BARD1: variants seen among roughly 807,000 people sequenced by gnomAD.
BARD1 encodes the protein BRCA1-associated RING domain protein 1.
BARD1 carries 73 observed loss-of-function variants against 77.0 expected under a neutral mutation model. The ratio of observed to expected loss-of-function variants is 0.95; its 90% CI spans 0.79 to 1.15. The LOEUF (loss-of-function observed/expected upper bound fraction) is 1.15. BARD1 is among the 50% of genes most tolerant of loss of function. BARD1 has a pLI of 0.00. For missense variants in BARD1, 993 were observed against 938.8 expected (o/e 1.06, Z -0.75); for synonymous variants, 384 against 338.0 (o/e 1.14, Z -1.49).
chr2:214,752,077 C>G (rs1023357843), intron 7 of BARD1, among the ~76,000 whole-genome samples: 1 of 152,190 alleles, frequency 6.6e-6, no homozygotes, highest in Non-Finnish European at 1.5e-5. Flanking sequence ...CAACGACACT[C>G]TACAACATCT....
chr2:214,730,165 C>T, intron 10 of BARD1: 1 of 509,764 alleles, frequency 2.0e-6, no homozygotes, highest in Non-Finnish European at 3.5e-6. Context: ...CTGAGATTTA[C>T]CTCAGATTCT....
intron 3 of BARD1, among the ~76,000 whole-genome samples, chr2:214,788,124 ATCTC>A (rs1388533432): frequency 6.6e-6 from 1 of 152,026 alleles, no homozygotes. Flanking sequence ...AAAGACGAGC[ATCTC>A]TCTCTAAAGC....
intron 9 of BARD1, among the ~76,000 whole-genome samples, chr2:214,739,161 T>C (rs1252184648): frequency 6.6e-6 from 1 of 152,034 alleles, no homozygotes; most frequent in East Asian, 1.9e-4. Flanking sequence ...AGGGTTGTTA[T>C]TATTCTGGAA....
chr2:214,776,416 A>T (rs1361389830), intron 4 of BARD1, among the ~76,000 whole-genome samples: 1 of 152,238 alleles, frequency 6.6e-6, no homozygotes, highest in Non-Finnish European at 1.5e-5. Flanking sequence ...CTTACGCACA[A>T]AGCTTTCTCA....
intron 1 of BARD1, among the ~76,000 whole-genome samples, chr2:214,807,747 A>G (rs1381697150): frequency 1.3e-5 from 2 of 152,224 alleles, no homozygotes; most frequent in East Asian, 1.9e-4. Flanking sequence ...TGAGAGATGA[A>G]TAACTTGGCC....
chr2:214,734,337 T>C (rs973504892), intron 9 of BARD1, among the ~76,000 whole-genome samples: 14 of 152,080 alleles, frequency 9.2e-5, no homozygotes, highest in African/African-American at 2.9e-4. Context: ...AAAGAAAAAG[T>C]AGAACATCAT....
chr2:214,729,122 T>C lies in BARD1; in HGVS notation c.2002-114A>G, dbSNP rs147982569. ...GTTGAATATCCCTTACCTGAAACAT[T>C]TGGAGGAGAAGCATTTCAGATTCAT... On this transcript the variant is annotated intron_variant, in intron 10 of 10. Transcript: ENST00000260947. 6.3e-4 allele frequency: 802 copies of C among 1,276,400 alleles called. 5 individuals carry two copies. In the African/African-American group the frequency reaches 0.01, roughly 16 times the overall value. 79.1% of individuals were successfully genotyped at this position (1,276,400 alleles called of 1,614,324 possible). A position where few individuals can be genotyped will look rare whatever the true frequency, so the allele number is the denominator to read the frequency against.
chr2:214,767,479 T>C lies in BARD1; in HGVS notation c.1568+3A>G, dbSNP rs1280734884. ...AAAATAATTTTTACGTTGAACTACT[T>C]ACACAGCATTTCTGGAGGCTCCATA... is the stretch of plus-strand genomic sequence containing the variant. On this transcript the variant is annotated splice_donor_region_variant and intron_variant, in intron 6 of 10. Coordinates refer to ENST00000260947, the MANE Select transcript of BARD1 (RefSeq NM_000465.4). The C allele has an allele frequency of 6.2e-7, 1 of 1,612,608 alleles. No homozygotes were observed. The highest frequency in any genetic ancestry group is 1.3e-5 in the African/African-American group (1 of 74,890).
rs191038460 is a variant in BARD1, at chr2:214,766,017, T to C, written c.1568+1465A>G. Among the ~76,000 whole-genome samples the C allele has an allele frequency of 1.5e-3, 228 of 152,340 alleles. 1 individual carries two copies. The highest frequency in any genetic ancestry group is 5.2e-3 in the African/African-American group (218 of 41,582). Reference sequence around the variant, plus strand: ...TACCATTGAAAACTTAATTTTTTTGTGCCCTTTTCAAACCTATAGAAGCAA... The same window carrying C: ...TACCATTGAAAACTTAATTTTTTTGCGCCCTTTTCAAACCTATAGAAGCAA... On this transcript the variant is annotated intron_variant, in intron 6 of 10. Coordinates refer to ENST00000260947, the MANE Select transcript of BARD1 (RefSeq NM_000465.4).
chr2:214,789,386 A>G (rs1401640563), intron 3 of BARD1, among the ~76,000 whole-genome samples: 1 of 151,742 alleles, frequency 6.6e-6, no homozygotes, highest in Non-Finnish European at 1.5e-5. Flanking sequence ...AAAAAAAAAA[A>G]AAATTAATTG....
In BARD1 at chr2:214,781,007, T is replaced by C. The variant is rs1574818859; in HGVS notation, c.867A>G (p.Pro289=). 1 of 1,613,052 alleles carries C rather than the reference T, an allele frequency of 6.2e-7. No individual in the cohort carries two copies. The highest frequency in any genetic ancestry group is 8.5e-7 in the Non-Finnish European group (1 of 1,179,478). ...CTACTTCATTCCTGCTCTTAGTGTC[T>C]GGAGACTCTATTTGCTCAGCCAATG... The part of the protein sequence containing the change: ...SLPLAEQIES[P]DTKSRNEVVT... The change falls in exon 4 of 11, where the codon CCA becomes CCG. Residue 289 remains proline (P), a synonymous_variant. Coordinates refer to ENST00000260947, the MANE Select transcript of BARD1 (RefSeq NM_000465.4).
Position 214,774,786 on chromosome 2 carries a change from C to T in BARD1, c.1315-5474G>A, listed in dbSNP as rs73084564. 8.4e-3 allele frequency among the ~76,000 whole-genome samples: 1,280 copies of T among 152,316 alleles called. 18 individuals carry two copies. Among genetic ancestry groups the T allele is most frequent in the African/African-American group, 0.029 (1,192 of 41,566 alleles). On this transcript the variant is annotated intron_variant, in intron 4 of 10. Transcript: ENST00000260947. ...TCACTGAAATCTGTTGTTTAGTGTG[C>T]CACTCTCATAATTATCTTGGCTAGA... is the stretch of plus-strand genomic sequence containing the variant.
chr2:214,751,143 A>AT (rs1693420506), intron 7 of BARD1, among the ~76,000 whole-genome samples: 1 of 21,028 alleles, frequency 4.8e-5, no homozygotes, highest in Non-Finnish European at 1.1e-4. Context: ...ATATATATAT[A>AT]TATATATATT....
chr2:214,761,165 A>G (rs1333664663), intron 6 of BARD1, among the ~76,000 whole-genome samples: 1 of 152,088 alleles, frequency 6.6e-6, no homozygotes, highest in Non-Finnish European at 1.5e-5. Flanking sequence ...AAAACTAGAG[A>G]GATCTCCAAA....
chr2:214,735,747 A>G (rs1012438486), intron 9 of BARD1, among the ~76,000 whole-genome samples: 1 of 152,134 alleles, frequency 6.6e-6, no homozygotes, highest in African/African-American at 2.4e-5. Context: ...CAAATGCTTA[A>G]AAGCTGCTTA....
chr2:214,781,280 A>T lies in BARD1; in HGVS notation c.594T>A (p.Ala198=). 6.2e-7 allele frequency: 1 copy of T among 1,600,028 alleles called. No individual in the cohort carries two copies. The highest frequency in any genetic ancestry group is 8.5e-7 in the Non-Finnish European group (1 of 1,176,492). Residue 198 remains alanine (A), a synonymous_variant, in exon 4 of 11, where the codon GCT becomes GCA. Coordinates refer to ENST00000260947, the MANE Select transcript of BARD1 (RefSeq NM_000465.4). ...PADVSERAKK[A]SARSGKKQKK... The stretch of plus-strand genomic sequence containing the variant: ...TTTGCTTTTTTCCAGATCTTGCAGA[A>T]GCCTTTTTAGCCCTCTCAGAAACAT...
At chr2:214,808,301 T>C (rs951561311) in intron 1 of BARD1, among the ~76,000 whole-genome samples, 1 of 152,060 alleles carries the variant, frequency 6.6e-6, no homozygotes, top group East Asian at 1.9e-4. Flanking sequence ...CCCAGCTACT[T>C]GGGAGGCTGA....
rs780136325 is a variant in BARD1, at chr2:214,769,307, G to A, written c.1320C>T (p.Asp440=). 2 of 1,612,498 alleles carry A rather than the reference G, an allele frequency of 1.2e-6. No individual in the cohort carries two copies. The highest frequency in any genetic ancestry group is 2.2e-5 in the South Asian group (2 of 91,036). ...GTAAAAGGTATTCAACAGAAGGTAT[G>A]TCGCCCTAGAAAAATGAACAAAACG... ...TLLHIASIKG[D]IPSVEYLLQN... The change falls in exon 5 of 11, where the codon GAC becomes GAT. Residue 440 remains aspartate, a synonymous_variant. Coordinates refer to ENST00000260947, the MANE Select transcript of BARD1 (RefSeq NM_000465.4).
At chr2:214,761,793 G>C (rs1176255063) in intron 6 of BARD1, among the ~76,000 whole-genome samples, 2 of 152,140 alleles carry the variant, frequency 1.3e-5, no homozygotes, top group African/African-American at 2.4e-5. Flanking sequence ...TATTAGTATT[G>C]ACTATAACTC....
Sources: gnomAD v4.1 joint callset for allele counts (sites outside exome capture counted in the v4.1 genomes callset) on GRCh38, gnomAD v4.1.1 for gene constraint, MANE v1.5 for transcripts, NCBI Gene and HGNC (gene_info 2026-07-23, HGNC 2026-07-21) for gene names.